The following SEPTIN1 variants were observed in gnomAD, a reference collection of about 807,000 sequenced individuals.
The protein encoded by SEPTIN1 is septin 1, also known as septin-1.
SEPTIN1 carries 52 observed loss-of-function variants against 50.7 expected under a neutral mutation model. That is an observed-to-expected ratio of 1.03 (90% CI 0.82 to 1.29). The LOEUF is 1.29. SEPTIN1 is among the 50% of genes most tolerant of loss of function. The pLI is 0.00. For missense variants in SEPTIN1, 455 were observed against 490.7 expected, an observed-to-expected ratio of 0.93 and a Z score of 0.69; for synonymous variants, 204 against 189.1, an observed-to-expected ratio of 1.08 and a Z score of -0.65.
chr16:30,379,296 G>A (rs2049804959), intron 8 of SEPTIN1, 113 bp from the exon 9 acceptor site: 2 of 1,481,470 alleles, frequency 1.4e-6, no homozygotes, highest in Non-Finnish European at 1.9e-6. Context: ...AGGGTCCGCG[G>A]TCTGCAGCCC....
chr16:30,381,276 C>A lies in SEPTIN1; in HGVS notation c.456-32G>T, dbSNP rs1230767930. 1 of 1,611,934 alleles carries A rather than the reference C, an allele frequency of 6.2e-7. No individual in the cohort carries two copies. Among genetic ancestry groups the A allele is most frequent in the African/African-American group, 1.3e-5 (1 of 74,834 alleles). ...CCAGGGATTGGTCATTGCCCAGCCT[C>A]AGGGGGCAGAGACCCCCCAGCCCTC... On this transcript the variant is annotated intron_variant, in intron 5 of 10. Transcript: ENST00000321367. This position sits in a 1 kb window ranked among gnomAD's most constrained non-coding sequence, Gnocchi z 4.3.
In SEPTIN1 at chr16:30,381,013, C is replaced by G; in HGVS notation, c.573+114G>C. 1 of 871,718 alleles carries G rather than the reference C, an allele frequency of 1.1e-6. No homozygotes were observed. Among genetic ancestry groups the G allele is most frequent in the Non-Finnish European group, 1.9e-6 (1 of 522,572 alleles). 54.0% of individuals were successfully genotyped at this position (871,718 alleles called of 1,614,324 possible). A position where few individuals can be genotyped will look rare whatever the true frequency, so the allele number is the denominator to read the frequency against. On this transcript the variant is annotated intron_variant, in intron 6 of 10. Coordinates refer to ENST00000321367, the MANE Select transcript of SEPTIN1 (RefSeq NM_001365977.2). This position sits in a 1 kb window ranked among gnomAD's most constrained non-coding sequence, Gnocchi z 4.3. ...CCGCCTTCCTCAGAAGCTTCTCCTACAATCTAGCCTGATGCACCATGCTCC... is the reference window on the plus strand; with the variant it reads ...CCGCCTTCCTCAGAAGCTTCTCCTAGAATCTAGCCTGATGCACCATGCTCC...
chr16:30,379,833 C>T (rs1238809705), intron 7 of SEPTIN1, 99 bp downstream of exon 7: 3 of 720,318 alleles, frequency 4.2e-6, no homozygotes, highest in African/African-American at 3.5e-5. Context: ...TCTGGAACTC[C>T]TGACCTCAGG....
Position 30,378,307 on chromosome 16 carries a change from TC to T in SEPTIN1, c.*126del. ...GCTACGGACTCAGGCTGGGAGAACC[TC>T]CCCCTAGCCCGCGCGAGGGCGGCAC... is the stretch of plus-strand genomic sequence containing the variant. On this transcript the variant is annotated 3_prime_UTR_variant, in exon 11 of 11. Transcript: ENST00000321367. 2.2e-6 allele frequency: 2 copies of T among 916,258 alleles called. No homozygotes were observed. The highest frequency in any genetic ancestry group is 3.2e-6 in the Non-Finnish European group (2 of 623,842). 56.8% of individuals were successfully genotyped at this position (916,258 alleles called of 1,614,324 possible).
At position 30,379,538 on chromosome 16, in the gene SEPTIN1, G is replaced by C; in HGVS notation, c.676-4C>G. Reference sequence around the variant, plus strand: ...CGACTGCAAAAGGGATGCTTTCCTGGAGGGCAGGGGGCAGGGGTTCACCAT... The same window carrying C: ...CGACTGCAAAAGGGATGCTTTCCTGCAGGGCAGGGGGCAGGGGTTCACCAT... On this transcript the variant is annotated splice_polypyrimidine_tract_variant and splice_region_variant and intron_variant, in intron 7 of 10. Coordinates refer to ENST00000321367, the MANE Select transcript of SEPTIN1 (RefSeq NM_001365977.2). The C allele has an allele frequency of 6.2e-7, 1 of 1,612,136 alleles. No individual in the cohort carries two copies. Among genetic ancestry groups the C allele is most frequent in the Non-Finnish European group, 8.5e-7 (1 of 1,178,704 alleles).
Position 30,381,526 on chromosome 16 carries a change from G to A in SEPTIN1, c.321-53C>T. 1 of 1,602,306 alleles carries A rather than the reference G, an allele frequency of 6.2e-7. No individual in the cohort carries two copies. The highest frequency in any genetic ancestry group is 8.5e-7 in the Non-Finnish European group (1 of 1,170,348). On this transcript the variant is annotated intron_variant, in intron 4 of 10. Transcript: ENST00000321367. The surrounding 1 kb of genome is among the most constrained non-coding windows in gnomAD (Gnocchi z 4.3). ...AGAGATCAAAGGCCAGAGGGCAGGG[G>A]GCAAGGCTAGCCAGGACTGTGGGAG...
At position 30,381,480 on chromosome 16, in the gene SEPTIN1, G is replaced by A; in HGVS notation, c.321-7C>T. ...TTTCACCACCGGAAGCCAGCTGGGT[G>A]TGGGGAGAGGATGTGAGGTCAGAGA... On this transcript the variant is annotated splice_region_variant and splice_polypyrimidine_tract_variant and intron_variant, in intron 4 of 10. Coordinates refer to ENST00000321367, the MANE Select transcript of SEPTIN1 (RefSeq NM_001365977.2). This position sits in a 1 kb window ranked among gnomAD's most constrained non-coding sequence, Gnocchi z 4.3. 2 of 1,614,020 alleles carry A rather than the reference G, an allele frequency of 1.2e-6. No individual in the cohort carries two copies. Among genetic ancestry groups the A allele is most frequent in the Non-Finnish European group, 1.7e-6 (2 of 1,179,988 alleles).
chr16:30,379,640 C>CATTTT, intron 7 of SEPTIN1, 106 bp from the exon 8 acceptor site: 1 of 236,252 alleles, frequency 4.2e-6, no homozygotes, highest in Non-Finnish European at 7.5e-6. Flanking sequence ...GCCCCTTCCT[C>CATTTT]TTTTTTTTTT....
In SEPTIN1 at chr16:30,378,141, C is replaced by T. The variant is rs2049774501; in HGVS notation, c.*293G>A. On this transcript the variant is annotated 3_prime_UTR_variant, in exon 11 of 11. Transcript: ENST00000321367. ...AGGAAGGAGAAGGCTCGCGTGGCCG[C>T]GGGAAGCTCAGTTTTTATTGAAGAC... The T allele has an allele frequency of 1.4e-6, 1 of 719,802 alleles. No homozygotes were observed. The highest frequency in any genetic ancestry group is 2.1e-5 in the Admixed American group (1 of 48,492). The allele number at this position is 719,802 out of a possible 1,614,324, so 44.6% of individuals were successfully genotyped here. A position where few individuals can be genotyped will look rare whatever the true frequency, so the allele number is the denominator to read the frequency against.
At position 30,382,155 on chromosome 16, in the gene SEPTIN1, G is replaced by A; in HGVS notation, c.134C>T (p.Thr45Ile). The A allele has an allele frequency of 2.5e-6, 4 of 1,602,702 alleles. No homozygotes were observed. The highest frequency in any genetic ancestry group is 3.4e-6 in the Non-Finnish European group (4 of 1,174,592). The change falls in exon 3 of 11, where the codon ACC becomes ATC. Residue 45 changes from threonine (T) to isoleucine (I), a missense_variant. By Grantham distance (89) the Thr-to-Ile change is moderately conservative. Transcript: ENST00000321367. This position sits in a 1 kb window ranked among gnomAD's most constrained non-coding sequence, Gnocchi z 4.8. ...GGTGAGGAAGAGGCTGTTGATGAGG[G>A]TGGATTTCCCTAGGCCTGACTCCCC... ...VAGESGLGKS[T>I]LINSLFLTNL...
chr16:30,381,423 C>G lies in SEPTIN1; in HGVS notation c.371G>C (p.Arg124Thr). Reference sequence around the variant, plus strand: ...CTTCCGGTTCAGGCCACTCTCATCCCTAAGGTACTGCTCAAATTGCTCCTC... The same window carrying G: ...CTTCCGGTTCAGGCCACTCTCATCCGTAAGGTACTGCTCAAATTGCTCCTC... ...FIEEQFEQYL[R>T]DESGLNRKNI... Residue 124 changes from arginine (R) to threonine (T), a missense_variant, in exon 5 of 11, where the codon AGG (arginine) becomes ACG (threonine). Arg to Thr is a moderately conservative substitution (Grantham distance 71). Transcript: ENST00000321367. The surrounding 1 kb of genome is among the most constrained non-coding windows in gnomAD (Gnocchi z 4.3). 6.2e-7 allele frequency: 1 copy of G among 1,614,088 alleles called. No homozygotes were observed.
At chr16:30,380,915 C>T in intron 6 of SEPTIN1, 4 of 601,710 alleles carry the variant, frequency 6.6e-6, no homozygotes, top group Non-Finnish European at 1.2e-5. Flanking sequence ...CTCAGCCAGG[C>T]ATCTAGCCCG....
In SEPTIN1 at chr16:30,379,472, C is replaced by T. The variant is rs1425707675; in HGVS notation, c.738G>A (p.Pro246=). The change falls in exon 8 of 11, where the codon CCG becomes CCA. Residue 246 remains proline (P), a synonymous_variant. Coordinates refer to ENST00000321367, the MANE Select transcript of SEPTIN1 (RefSeq NM_001365977.2). The part of the protein sequence containing the change: ...CEVVRDGGNR[P]VRGRRYSWGT... The stretch of plus-strand genomic sequence containing the variant: ...CCCAGGAGTAGCGGCGTCCCCTCAC[C>T]GGCCGGTTCCCGCCATCCCTCACCA... 3 of 1,613,924 alleles carry T rather than the reference C, an allele frequency of 1.9e-6. No individual in the cohort carries two copies. Among genetic ancestry groups the T allele is most frequent in the Admixed American group, 3.3e-5 (2 of 59,996 alleles).
chr16:30,381,596 C>T lies in SEPTIN1; in HGVS notation c.321-123G>A. On this transcript the variant is annotated intron_variant, in intron 4 of 10. Transcript: ENST00000321367. This position sits in a 1 kb window ranked among gnomAD's most constrained non-coding sequence, Gnocchi z 4.3. ...CTCCCTCCAAAGACATTAAGGGGAA[C>T]TGGTGGGGGCCTAGGTGAGTCATCA... The T allele has an allele frequency of 6.8e-7, 1 of 1,463,016 alleles. No individual in the cohort carries two copies. Among genetic ancestry groups the T allele is most frequent in the Non-Finnish European group, 9.4e-7 (1 of 1,064,708 alleles). 90.6% of individuals were successfully genotyped at this position (1,463,016 alleles called of 1,614,324 possible). A position where few individuals can be genotyped will look rare whatever the true frequency, so the allele number is the denominator to read the frequency against.
In SEPTIN1 at chr16:30,381,605, G is replaced by T; in HGVS notation, c.321-132C>A. ...AAGACATTAAGGGGAACTGGTGGGG[G>T]CCTAGGTGAGTCATCAAGAAGCACA... On this transcript the variant is annotated intron_variant, in intron 4 of 10. Transcript: ENST00000321367. The surrounding 1 kb of genome is among the most constrained non-coding windows in gnomAD (Gnocchi z 4.3). The T allele has an allele frequency of 6.9e-7, 1 of 1,445,516 alleles. No homozygotes were observed. Among genetic ancestry groups the T allele is most frequent in the South Asian group, 1.3e-5 (1 of 78,364 alleles). 89.5% of individuals were successfully genotyped at this position (1,445,516 alleles called of 1,614,324 possible).
In SEPTIN1 at chr16:30,379,193, G is replaced by A. The variant is rs769557639; in HGVS notation, c.776-10C>T. On this transcript the variant is annotated splice_polypyrimidine_tract_variant and intron_variant, in intron 8 of 10. Transcript: ENST00000321367. ...TGATGTGGGTTCTCCACTGGAGGGG[G>A]GGCGGCGCGGACCAGCGAACGTCAG... The A allele has an allele frequency of 6.2e-7, 1 of 1,613,718 alleles. No individual in the cohort carries two copies. Among genetic ancestry groups the A allele is most frequent in the Non-Finnish European group, 8.5e-7 (1 of 1,179,664 alleles).
In SEPTIN1 at chr16:30,378,467, G is replaced by T. The variant is rs1226083658; in HGVS notation, c.1086C>A (p.Ser362Arg). ...CGTCTGACTGCTCGCCCTGGGCCTG[G>T]CTCTGCTGCATTTGGGCCTGCATCT... The part of the protein sequence containing the change: ...LEKMQAQMQQ[S>R]QAQGEQSDAL The change falls in exon 11 of 11, where the codon AGC (serine) becomes AGA (arginine). Residue 362 changes from serine to arginine, a missense_variant. By Grantham distance (110) the Ser-to-Arg change is moderately radical. Transcript: ENST00000321367. 1.3e-6 allele frequency: 2 copies of T among 1,577,082 alleles called. No homozygotes were observed.
Position 30,382,027 on chromosome 16 carries a change from T to A in SEPTIN1, c.196+66A>T. The stretch of plus-strand genomic sequence containing the variant: ...GCAGTCAACTACCTGAGTCCCCAGA[T>A]GGAAAAGACTAGGGTGTAACCTGGG... On this transcript the variant is annotated intron_variant, in intron 3 of 10. Transcript: ENST00000321367. This position sits in a 1 kb window ranked among gnomAD's most constrained non-coding sequence, Gnocchi z 4.8. 1 of 1,595,644 alleles carries A rather than the reference T, an allele frequency of 6.3e-7. No homozygotes were observed. The highest frequency in any genetic ancestry group is 1.1e-5 in the South Asian group (1 of 89,968).
At chr16:30,379,219 G>C in intron 8 of SEPTIN1, 36 bp from the exon 9 acceptor site, 1 of 1,611,064 alleles carries the variant, frequency 6.2e-7, no homozygotes, top group Non-Finnish European at 8.5e-7. Flanking sequence ...CGAACGTCAG[G>C]GAGTTTCGGG....
Sources: allele counts gnomAD v4.1 joint callset, GRCh38; gene constraint gnomAD v4.1.1; non-coding constraint Gnocchi (gnomAD v3.1); transcripts MANE v1.5; gene names NCBI Gene and HGNC (gene_info 2026-07-23, HGNC 2026-07-21).